Variants in PLCXD3 observed in about 807,000 individuals in gnomAD.
PLCXD3 encodes phosphatidylinositol specific phospholipase C X domain containing 3.
In PLCXD3, 19 loss-of-function variants were observed where a neutral mutation model predicts 25.5. The ratio of observed to expected loss-of-function variants is 0.75; its 90% CI spans 0.52 to 1.09. The LOEUF is 1.09. PLCXD3 is among the 50% of genes least tolerant of loss of function. The probability of loss-of-function intolerance (pLI) is 0.00; values close to 1 mark genes in which losing one functional copy is unlikely to be tolerated. For missense variants in PLCXD3, 411 were observed against 388.1 expected (o/e 1.06, Z -0.50); for synonymous variants, 174 against 137.6 (o/e 1.26, Z -1.85).
intron 1 of PLCXD3, among the ~76,000 whole-genome samples, chr5:41,482,419 A>C (rs1158225099): frequency 1.3e-5 from 2 of 152,248 alleles, no homozygotes; most frequent in Admixed American, 6.5e-5. Flanking sequence ...CTAGGAAGAG[A>C]GTTTCAATAT....
intron 1 of PLCXD3, among the ~76,000 whole-genome samples, chr5:41,428,641 G>A (rs1747023633): frequency 6.6e-6 from 1 of 151,828 alleles, no homozygotes; most frequent in Non-Finnish European, 1.5e-5. Flanking sequence ...TTGTTATTTT[G>A]TTATGGCAGC....
At chr5:41,503,896 T>A (rs1749004096) in intron 1 of PLCXD3, among the ~76,000 whole-genome samples, 1 of 152,174 alleles carries the variant, frequency 6.6e-6, no homozygotes, top group Non-Finnish European at 1.5e-5. Context: ...GCAAGAGGCA[T>A]CCTCACTGGT....
chr5:41,492,775 G>A (rs1190669223), intron 1 of PLCXD3, among the ~76,000 whole-genome samples: 2 of 152,186 alleles, frequency 1.3e-5, no homozygotes, highest in African/African-American at 2.4e-5. Flanking sequence ...TTGGCTTTCA[G>A]CCCCATCAGC....
intron 1 of PLCXD3, among the ~76,000 whole-genome samples, chr5:41,421,663 T>C (rs1487011515): frequency 6.6e-6 from 1 of 152,164 alleles, no homozygotes; most frequent in Non-Finnish European, 1.5e-5. Flanking sequence ...ATTGCGCTAC[T>C]GCAGTCAGGC....
chr5:41,391,627 C>G (rs1745826188), intron 1 of PLCXD3, among the ~76,000 whole-genome samples: 1 of 152,152 alleles, frequency 6.6e-6, no homozygotes, highest in African/African-American at 2.4e-5. Context: ...AGTCTCAGCA[C>G]ATTACCACCT....
At chr5:41,389,635 T>C (rs1288506304) in intron 1 of PLCXD3, among the ~76,000 whole-genome samples, 1 of 152,158 alleles carries the variant, frequency 6.6e-6, no homozygotes, top group Non-Finnish European at 1.5e-5. Flanking sequence ...ATATCTGCTG[T>C]TGATGTTGGT....
In PLCXD3 at chr5:41,309,178, A is replaced by G. The variant is rs538733295; in HGVS notation, c.*4439T>C. The stretch of plus-strand genomic sequence containing the variant: ...CTCATACAAATATACGTTTAAAACT[A>G]TTACCTACAAAATAGTATCACAATT... On this transcript the variant is annotated 3_prime_UTR_variant, in exon 3 of 3. Coordinates refer to ENST00000377801, the MANE Select transcript of PLCXD3 (RefSeq NM_001005473.3). 6.5e-6 allele frequency: 1 copy of G among 152,682 alleles called. No homozygotes were observed. The highest frequency in any genetic ancestry group is 1.5e-5 in the Non-Finnish European group (1 of 68,004). The allele number at this position is 152,682 out of a possible 1,614,324, so 9.5% of individuals were successfully genotyped here.
chr5:41,366,807 C>T (rs532869816), intron 2 of PLCXD3, among the ~76,000 whole-genome samples: 5 of 152,260 alleles, frequency 3.3e-5, no homozygotes, highest in Non-Finnish European at 5.9e-5. Flanking sequence ...TGCACTCTCC[C>T]GTGCCCCAGT....
intron 2 of PLCXD3, among the ~76,000 whole-genome samples, chr5:41,329,736 T>C (rs971197661): frequency 6.6e-6 from 1 of 151,164 alleles, no homozygotes; most frequent in African/African-American, 2.4e-5. Flanking sequence ...GTAATCATCA[T>C]CATCATCTTT....
intron 2 of PLCXD3, among the ~76,000 whole-genome samples, chr5:41,329,852 TATTA>T (rs1354426068): frequency 6.7e-6 from 1 of 149,960 alleles, no homozygotes; most frequent in Non-Finnish European, 1.5e-5. Flanking sequence ...ATTATCATTT[TATTA>T]ATTAGAATTA....
chr5:41,510,601 T>C lies in PLCXD3; in HGVS notation c.-75A>G. 8.6e-7 allele frequency: 1 copy of C among 1,168,934 alleles called. No individual in the cohort carries two copies. Among genetic ancestry groups the C allele is most frequent in the Middle Eastern group, 1.9e-4 (1 of 5,148 alleles). The allele number at this position is 1,168,934 out of a possible 1,614,324, so 72.4% of individuals were successfully genotyped here. A position where few individuals can be genotyped will look rare whatever the true frequency, so the allele number is the denominator to read the frequency against. ...TGGCAGGCTGCTGCCGCTAATCCAA[T>C]GTTTGCTCTAGCCCCGCTAGAGTTT... On this transcript the variant is annotated 5_prime_UTR_variant, in exon 1 of 3. Transcript: ENST00000377801.
chr5:41,379,698 GA>G (rs1175914817), intron 2 of PLCXD3, among the ~76,000 whole-genome samples: 2 of 152,030 alleles, frequency 1.3e-5, no homozygotes, highest in Non-Finnish European at 2.9e-5. Flanking sequence ...ACATTATTGT[GA>G]TTATAAGCCA....
At chr5:41,503,699 T>C (rs554252857) in intron 1 of PLCXD3, among the ~76,000 whole-genome samples, 2 of 152,310 alleles carry the variant, frequency 1.3e-5, no homozygotes, top group Admixed American at 6.5e-5. Flanking sequence ...CCTTCTGGAA[T>C]ATATGATATA....
intron 1 of PLCXD3, among the ~76,000 whole-genome samples, chr5:41,459,541 C>T (rs1747828472): frequency 6.6e-6 from 1 of 151,804 alleles, no homozygotes; most frequent in Admixed American, 6.6e-5. Flanking sequence ...TCACACTGCT[C>T]AAGTCCCTTT....
chr5:41,367,632 C>T (rs1744974842), intron 2 of PLCXD3, among the ~76,000 whole-genome samples: 1 of 152,134 alleles, frequency 6.6e-6, no homozygotes, highest in Non-Finnish European at 1.5e-5. Flanking sequence ...TGTGCAGAAG[C>T]TCTTTAGTTT....
At position 41,382,025 on chromosome 5, in the gene PLCXD3, AG is replaced by A; in HGVS notation, c.612del (p.Leu206SerfsTer6). 1 of 1,613,578 alleles carries A rather than the reference AG, an allele frequency of 6.2e-7. No homozygotes were observed. Among genetic ancestry groups the A allele is most frequent in the Non-Finnish European group, 8.5e-7 (1 of 1,179,728 alleles). On this transcript the variant is annotated frameshift_variant, in exon 2 of 3. Transcript: ENST00000377801. LOFTEE classifies it high-confidence loss of function. ...GGCATCATCTGCCCAGGCCAGAGAA[AG>A]GGCACTTCCAGAGCCACTGGACTAT... is the stretch of plus-strand genomic sequence containing the variant. Reference protein sequence around the residue: ...FYHSPVALEVPFLWPGQMMPA... With the variant: ...FYHSPVALEVXFLWPGQMMPA...
rs71608606 is a variant in PLCXD3 at position 41,372,347 on chromosome 5, C to CACACACAT, written c.812+9478_812+9479insATGTGTGT. Among the ~76,000 whole-genome samples the CACACACAT allele has an allele frequency of 7.4e-3, 979 of 132,316 alleles. 24 individuals carry two copies. Among genetic ancestry groups the CACACACAT allele is most frequent in the African/African-American group, 0.015 (539 of 35,040 alleles). The allele number at this position is 132,316 out of a possible 152,430, so 86.8% of individuals were successfully genotyped here. On this transcript the variant is annotated intron_variant, in intron 2 of 2. Coordinates refer to ENST00000377801, the MANE Select transcript of PLCXD3 (RefSeq NM_001005473.3). ...ACACACACACACACACACACACACA[C>CACACACAT]ACCAGGCACTGAATAGATATCTGAC...
chr5:41,392,187 C>T (rs563995708), intron 1 of PLCXD3, among the ~76,000 whole-genome samples: 1 of 152,164 alleles, frequency 6.6e-6, no homozygotes, highest in South Asian at 2.1e-4. Context: ...GATTGTACAG[C>T]CCCAGGGCAT....
chr5:41,353,508 C>T (rs548085986), intron 2 of PLCXD3, among the ~76,000 whole-genome samples: 1 of 152,232 alleles, frequency 6.6e-6, no homozygotes, highest in South Asian at 2.1e-4. Flanking sequence ...TCAGTAAACA[C>T]CTTGTATGTA....
Sources: allele counts gnomAD v4.1 joint callset (sites outside exome capture counted in the v4.1 genomes callset), GRCh38; gene constraint gnomAD v4.1.1; transcripts MANE v1.5; gene names NCBI Gene and HGNC (gene_info 2026-07-23, HGNC 2026-07-21).